Variants in RERE observed in about 807,000 individuals in gnomAD.
RERE encodes arginine-glutamic acid dipeptide repeats.
Under a neutral mutation model 146.1 loss-of-function variants are expected in RERE, and 40 were observed. That is an observed-to-expected ratio of 0.27 (90% confidence interval 0.21 to 0.36). RERE has a LOEUF of 0.36. Ranked by LOEUF, RERE falls within the 10% of genes least tolerant of loss-of-function variation. The pLI is 1.00. For missense variants in RERE, 1,933 were observed against 2,138.7 expected (o/e 0.90, Z 1.90); for synonymous variants, 1,003 against 866.0 (o/e 1.16, Z -2.78).
At chr1:8,508,216 A>G (rs1164357370) in intron 8 of RERE, among the ~76,000 whole-genome samples, 1 of 152,222 alleles carries the variant, frequency 6.6e-6, no homozygotes, top group Non-Finnish European at 1.5e-5. Context: ...ATCAGGCACA[A>G]AAAGACAAAT....
At chr1:8,615,006 T>C (rs1216169179) in intron 3 of RERE, among the ~76,000 whole-genome samples, 1 of 152,198 alleles carries the variant, frequency 6.6e-6, no homozygotes, top group Non-Finnish European at 1.5e-5. Context: ...AACAGCAACA[T>C]GCTATGCTTA....
At chr1:8,564,471 C>A (rs1026031860) in intron 4 of RERE, among the ~76,000 whole-genome samples, 1 of 152,204 alleles carries the variant, frequency 6.6e-6, no homozygotes, top group Non-Finnish European at 1.5e-5. Flanking sequence ...CTACTTACTG[C>A]ATCATGTCAG....
At chr1:8,556,966 A>C (rs768983930) in intron 5 of RERE, among the ~76,000 whole-genome samples, 21 of 152,064 alleles carry the variant, frequency 1.4e-4, no homozygotes, top group Admixed American at 2.6e-4. Context: ...GTTTCCATTG[A>C]TAAGAATATT....
At chr1:8,535,399 T>C (rs753176202) in intron 7 of RERE, among the ~76,000 whole-genome samples, 2 of 152,320 alleles carry the variant, frequency 1.3e-5, no homozygotes, top group Middle Eastern at 3.4e-3. Flanking sequence ...GTTAATTTCC[T>C]GATTTTGAGG....
intron 11 of RERE, among the ~76,000 whole-genome samples, chr1:8,428,314 C>T (rs894705323): frequency 1.3e-5 from 2 of 152,176 alleles, no homozygotes; most frequent in Non-Finnish European, 2.9e-5. Flanking sequence ...TGTGTTCATG[C>T]CCAACCAACC....
intron 10 of RERE, among the ~76,000 whole-genome samples, chr1:8,486,726 T>TA (rs1162992035): frequency 7.9e-6 from 1 of 127,208 alleles, no homozygotes; most frequent in African/African-American, 3.0e-5. Context: ...GGAAACAAAT[T>TA]ACCAGCCTTG....
At chr1:8,759,848 C>CAT (rs1553146164) in intron 1 of RERE, among the ~76,000 whole-genome samples, 1 of 151,054 alleles carries the variant, frequency 6.6e-6, no homozygotes, top group Non-Finnish European at 1.5e-5. Context: ...TACACACACA[C>CAT]ACACACACAC....
chr1:8,723,084 A>C (rs1345174918), intron 1 of RERE, among the ~76,000 whole-genome samples: 1 of 152,236 alleles, frequency 6.6e-6, no homozygotes, highest in Admixed American at 6.5e-5. Flanking sequence ...CCAGAAAGGA[A>C]TGCTGAGTCT....
intron 7 of RERE, among the ~76,000 whole-genome samples, chr1:8,538,747 C>CA (rs1347479719): frequency 1.3e-5 from 2 of 152,152 alleles, no homozygotes; most frequent in Non-Finnish European, 2.9e-5. Context: ...AGAAGGTGGA[C>CA]ATAGGGAACA....
At position 8,356,227 on chromosome 1, in the gene RERE, G is replaced by C. The variant is rs1441247721; in HGVS notation, c.4359C>G (p.His1453Gln). The C allele has an allele frequency of 6.6e-7, 1 of 1,525,720 alleles. No individual in the cohort carries two copies. The highest frequency in any genetic ancestry group is 8.7e-7 in the Non-Finnish European group (1 of 1,148,050). 94.5% of individuals were successfully genotyped at this position (1,525,720 alleles called of 1,614,324 possible). ...PLHQGSAGPV[H>Q]PLVDPLTAGP... ...CGGCAGTCAGGGGGTCGACCAGCGG[G>C]TGAACGGGGCCTGCTGAACCTAAGG... Residue 1453 changes from histidine (H) to glutamine (Q), a missense_variant, in exon 21 of 23, where the codon CAC becomes CAG. This residue lies in a region of RERE where 133 missense variants were observed against 168.6 expected (regional missense o/e 0.79). Transcript: ENST00000400908. This position sits in a 1 kb window ranked among gnomAD's most constrained non-coding sequence, Gnocchi z 5.2.
chr1:8,750,564 GGAA>G (rs901360623), intron 1 of RERE: 5 of 998,762 alleles, frequency 5.0e-6, no homozygotes, highest in Non-Finnish European at 7.9e-6. Context: ...TGAAAGGCAA[GGAA>G]GAAGCTTATT....
At chr1:8,582,318 C>A (rs897251291) in intron 4 of RERE, among the ~76,000 whole-genome samples, 1 of 151,868 alleles carries the variant, frequency 6.6e-6, no homozygotes, top group East Asian at 1.9e-4. Context: ...GCAATCCTAC[C>A]GCCTCAGCCT....
chr1:8,465,930 C>T lies in RERE; in HGVS notation c.1198G>A (p.Glu400Lys), dbSNP rs1570283224. 3 of 1,613,864 alleles carry T rather than the reference C, an allele frequency of 1.9e-6. No homozygotes were observed. Among genetic ancestry groups the T allele is most frequent in the Admixed American group, 1.7e-5 (1 of 60,006 alleles). ...AAATGCTGGTTCCTGCTCACCACTT[C>T]GTCCTCGGTCCAGCACTTCTCGATG... is the stretch of plus-strand genomic sequence containing the variant. ...KLIEKCWTEDEVKRFVKGLRQ... is the reference protein window; with the variant it reads ...KLIEKCWTEDKVKRFVKGLRQ... Residue 400 changes from glutamate to lysine, a missense_variant, in exon 11 of 23, where the codon GAA becomes AAA. Transcript: ENST00000400908.
chr1:8,457,686 T>A (rs1348534062), intron 11 of RERE, among the ~76,000 whole-genome samples: 1 of 152,128 alleles, frequency 6.6e-6, no homozygotes, highest in African/African-American at 2.4e-5. Flanking sequence ...CAATGCATCC[T>A]CTGCTTCCTG....
intron 10 of RERE, among the ~76,000 whole-genome samples, chr1:8,494,370 T>C (rs1028371614): frequency 1.3e-5 from 2 of 152,192 alleles, no homozygotes; most frequent in African/African-American, 4.8e-5. Flanking sequence ...CTTGGGGGTA[T>C]GACCTTAAAT....
intron 7 of RERE, chr1:8,512,933 A>G (rs753135399): frequency 1.3e-5 from 2 of 152,288 alleles, no homozygotes; most frequent in African/African-American, 4.8e-5. Flanking sequence ...GAGGAGGTGA[A>G]ACTCAACAAC....
chr1:8,715,030 C>T (rs952956716), intron 1 of RERE, among the ~76,000 whole-genome samples: 1 of 151,854 alleles, frequency 6.6e-6, no homozygotes, highest in African/African-American at 2.4e-5. Flanking sequence ...TGCGCTACCA[C>T]GCCTGGCTAA....
chr1:8,657,269 C>A (rs1224736291), intron 1 of RERE, among the ~76,000 whole-genome samples: 1 of 139,582 alleles, frequency 7.2e-6, no homozygotes, highest in African/African-American at 2.7e-5. Flanking sequence ...TGTGCCACTG[C>A]ACTTCAGCCT....
At chr1:8,426,887 C>G (rs1476803400) in intron 11 of RERE, among the ~76,000 whole-genome samples, 1 of 152,176 alleles carries the variant, frequency 6.6e-6, no homozygotes, top group Non-Finnish European at 1.5e-5. Flanking sequence ...CAGTTACTCT[C>G]TCATTAGTTT....
Sources: gnomAD v4.1 joint callset for allele counts (sites outside exome capture counted in the v4.1 genomes callset) on GRCh38, gnomAD v4.1.1 for gene constraint, gnomAD v4.1.1 regional missense constraint, Gnocchi (gnomAD v3.1) non-coding constraint, MANE v1.5 for transcripts, NCBI Gene and HGNC (gene_info 2026-07-23, HGNC 2026-07-21) for gene names.